BRAF: variants seen among roughly 807,000 people sequenced by gnomAD.
The protein encoded by BRAF is serine/threonine-protein kinase B-raf.
In BRAF, 16 loss-of-function variants were observed where a neutral mutation model predicts 104.6. The observed-to-expected ratio is 0.15, with a 90% confidence interval of 0.10 to 0.23. The LOEUF (loss-of-function observed/expected upper bound fraction) is 0.23, where lower values mean the gene tolerates loss of function less well. Ranked by LOEUF, BRAF falls within the 10% of genes least tolerant of loss-of-function variation. The pLI, the probability that BRAF is intolerant of heterozygous loss-of-function variation, is 1.00. For missense variants in BRAF, 541 were observed against 937.3 expected, an observed-to-expected ratio of 0.58 and a Z score of 5.52; for synonymous variants, 310 against 341.6, an observed-to-expected ratio of 0.91 and a Z score of 1.02.
At chr7:140,905,793 G>A (rs933660973) in intron 1 of BRAF, among the ~76,000 whole-genome samples, 15 of 152,154 alleles carry the variant, frequency 9.9e-5, no homozygotes, top group African/African-American at 3.6e-4. Flanking sequence ...AGATAACTTA[G>A]AAATTAAAAC....
intron 1 of BRAF, among the ~76,000 whole-genome samples, chr7:140,894,987 C>T (rs1021571054): frequency 1.1e-4 from 16 of 152,050 alleles, no homozygotes; most frequent in Admixed American, 2.0e-4. Flanking sequence ...CTCTAGAAAA[C>T]GAATCAGCTC....
At chr7:140,761,192 A>G (rs369705233) in intron 14 of BRAF, among the ~76,000 whole-genome samples, 5 of 152,358 alleles carry the variant, frequency 3.3e-5, no homozygotes, top group Admixed American at 1.3e-4. Context: ...CGGATCTCTC[A>G]GCAGAAACTC....
At chr7:140,781,807 A>G in intron 11 of BRAF, 114 bp from the exon 11 acceptor site, 1 of 833,830 alleles carries the variant, frequency 1.2e-6, no homozygotes, top group South Asian at 1.4e-5. Flanking sequence ...AGATCCCCTT[A>G]AGAAAAATTC....
chr7:140,770,887 C>T (rs1272925717), intron 14 of BRAF, among the ~76,000 whole-genome samples: 4 of 144,846 alleles, frequency 2.8e-5, no homozygotes, highest in Non-Finnish European at 4.5e-5. Flanking sequence ...GAGCCAAGGT[C>T]GTGCCACTGT....
chr7:140,784,798 T>G (rs1801194667), intron 10 of BRAF, among the ~76,000 whole-genome samples: 1 of 152,040 alleles, frequency 6.6e-6, no homozygotes, highest in Non-Finnish European at 1.5e-5. Flanking sequence ...GCATCCGCCA[T>G]CATGCCTAGC....
intron 1 of BRAF, among the ~76,000 whole-genome samples, chr7:140,922,048 A>C (rs892489862): frequency 6.6e-6 from 1 of 152,180 alleles, no homozygotes; most frequent in South Asian, 2.1e-4. Flanking sequence ...TGATATTTAC[A>C]TTCAAGAGAT....
At position 140,725,426 on chromosome 7, in the gene BRAF, G is replaced by GT. The variant is rs1437994536; in HGVS notation, c.*1067dup. 5.3e-6 allele frequency: 5 copies of GT among 950,004 alleles called. No individual in the cohort carries two copies. Among genetic ancestry groups the GT allele is most frequent in the Admixed American group, 5.6e-5 (1 of 17,754 alleles). 58.8% of individuals were successfully genotyped at this position (950,004 alleles called of 1,614,324 possible). A position where few individuals can be genotyped will look rare whatever the true frequency, so the allele number is the denominator to read the frequency against. ...ATATATAATTCTGGTGGGAAGTATT[G>GT]TTTTTTTCCAATTCAATTAAATCTG... is the stretch of plus-strand genomic sequence containing the variant. On this transcript the variant is annotated 3_prime_UTR_variant, in exon 20 of 20. Coordinates refer to ENST00000644969, the MANE Select transcript of BRAF (RefSeq NM_001374258.1).
intron 3 of BRAF, among the ~76,000 whole-genome samples, chr7:140,817,798 A>G (rs1805030576): frequency 6.6e-6 from 1 of 152,226 alleles, no homozygotes. Flanking sequence ...GAATGTTCTT[A>G]TTACAGCACT....
At chr7:140,864,823 G>T (rs952732616) in intron 1 of BRAF, among the ~76,000 whole-genome samples, 1 of 152,158 alleles carries the variant, frequency 6.6e-6, no homozygotes. Context: ...ATTTAATCGA[G>T]GGGAGAAGAA....
intron 1 of BRAF, among the ~76,000 whole-genome samples, chr7:140,887,634 G>C (rs971942616): frequency 6.6e-6 from 1 of 151,962 alleles, no homozygotes; most frequent in Non-Finnish European, 1.5e-5. Flanking sequence ...AGGGCCCATA[G>C]GAAGACTCTT....
chr7:140,919,690 A>G (rs1007007952), intron 1 of BRAF, among the ~76,000 whole-genome samples: 16 of 152,328 alleles, frequency 1.1e-4, no homozygotes, highest in African/African-American at 1.9e-4. Flanking sequence ...AAATGAGGCT[A>G]TATTTTTCTT....
chr7:140,733,522 G>T (rs1325181005), intron 19 of BRAF: 1 of 152,142 alleles, frequency 6.6e-6, no homozygotes, highest in Non-Finnish European at 1.5e-5. Flanking sequence ...ACACAACAAA[G>T]TGTAAGTACT....
chr7:140,869,616 G>A lies in BRAF; in HGVS notation c.139-19404C>T, dbSNP rs570355560. 3.3e-3 allele frequency among the ~76,000 whole-genome samples: 485 copies of A among 149,156 alleles called. 3 individuals carry two copies. Among genetic ancestry groups the A allele is most frequent in the African/African-American group, 0.011 (463 of 40,490 alleles). ...CCACTGCACTCCAGTCTGGGCAGCA[G>A]ACTGAGACTCTGTCTCAAACAAAAA... On this transcript the variant is annotated intron_variant, in intron 1 of 19. Transcript: ENST00000644969.
At chr7:140,890,732 G>A (rs1186357680) in intron 1 of BRAF, among the ~76,000 whole-genome samples, 1 of 152,160 alleles carries the variant, frequency 6.6e-6, no homozygotes, top group African/African-American at 2.4e-5. Flanking sequence ...TGTACCTTCT[G>A]AAGTTCTCCA....
intron 1 of BRAF, among the ~76,000 whole-genome samples, chr7:140,891,007 C>T (rs185878074): frequency 1.2e-4 from 18 of 152,252 alleles, no homozygotes; most frequent in Admixed American, 1.2e-3. Flanking sequence ...AATTATATAT[C>T]ATATACCAAG....
intron 18 of BRAF, among the ~76,000 whole-genome samples, chr7:140,738,835 C>T (rs1445870328): frequency 2.0e-5 from 3 of 152,030 alleles, no homozygotes; most frequent in African/African-American, 7.2e-5. Context: ...AGGCTGGTCT[C>T]GAACTCCTGA....
At chr7:140,874,164 GA>G (rs1264994934) in intron 1 of BRAF, among the ~76,000 whole-genome samples, 1 of 151,008 alleles carries the variant, frequency 6.6e-6, no homozygotes, top group Non-Finnish European at 1.5e-5. Context: ...ACAAGGATCT[GA>G]ATCATCATGA....
intron 1 of BRAF, among the ~76,000 whole-genome samples, chr7:140,893,702 T>TG (rs551695327): frequency 6.0e-4 from 90 of 149,216 alleles, no homozygotes; most frequent in African/African-American, 2.1e-3. Flanking sequence ...AAACAGGGAG[T>TG]GGGGGATGAG....
At chr7:140,878,562 CAGTAG>C (rs1812519758) in intron 1 of BRAF, among the ~76,000 whole-genome samples, 1 of 151,762 alleles carries the variant, frequency 6.6e-6, no homozygotes, top group Non-Finnish European at 1.5e-5. Context: ...TGGAGGTAGA[CAGTAG>C]AGTAGTGGTT....
Sources: allele counts gnomAD v4.1 joint callset (sites outside exome capture counted in the v4.1 genomes callset), GRCh38; gene constraint gnomAD v4.1.1; transcripts MANE v1.5; gene names NCBI Gene and HGNC (gene_info 2026-07-23, HGNC 2026-07-21).